The following CATSPERG variants were observed in gnomAD, a reference collection of about 807,000 sequenced individuals.
CATSPERG encodes cation channel sperm-associated auxiliary subunit gamma.
Under a neutral mutation model 145.0 loss-of-function variants are expected in CATSPERG, and 115 were observed. The ratio of observed to expected loss-of-function variants is 0.79; its 90% CI spans 0.68 to 0.93. CATSPERG has a LOEUF of 0.93. CATSPERG is among the 40% of genes least tolerant of loss of function. The probability of loss-of-function intolerance (pLI) is 0.00; values close to 1 mark genes in which losing one functional copy is unlikely to be tolerated. For missense variants in CATSPERG, 1,296 were observed against 1,490.1 expected (o/e 0.87, Z 2.14); for synonymous variants, 588 against 589.0 (o/e 1.00, Z 0.02).
At chr19:38,366,539 G>A (rs1405712998) in intron 22 of CATSPERG, 1 of 152,656 alleles carries the variant, frequency 6.6e-6, no homozygotes. Context: ...CTAAGCAGAG[G>A]AGGGACTCGG....
chr19:38,345,539 T>C (rs1460465891), intron 6 of CATSPERG, among the ~76,000 whole-genome samples: 2 of 142,148 alleles, frequency 1.4e-5, no homozygotes, highest in Non-Finnish European at 3.1e-5. Flanking sequence ...AGTTTCGCTC[T>C]TGTTGCCCAG....
At chr19:38,351,951 G>A (rs561060854) in intron 7 of CATSPERG, among the ~76,000 whole-genome samples, 1 of 152,240 alleles carries the variant, frequency 6.6e-6, no homozygotes, top group East Asian at 1.9e-4. Flanking sequence ...TTGTATCCAT[G>A]TAGGTATAAC....
At chr19:38,360,687 G>T in intron 15 of CATSPERG, 40 bp downstream of exon 15, 2 of 1,614,046 alleles carry the variant, frequency 1.2e-6, no homozygotes, top group Admixed American at 3.3e-5. Context: ...GGGCACCCCA[G>T]GAGGGCTGAC....
chr19:38,364,177 C>T (rs145033722), intron 20 of CATSPERG, among the ~76,000 whole-genome samples: 4,783 of 152,088 alleles, frequency 0.031, 158 homozygotes, highest in East Asian at 0.13. Context: ...GGGTGGCTGC[C>T]GGGCGGAGAC....
chr19:38,352,595 CT>C (rs576701757), intron 8 of CATSPERG, 163 bp downstream of exon 8: 29,318 of 305,314 alleles, frequency 0.096, 11 homozygotes, highest in Middle Eastern at 0.12. Context: ...TTGCCTTGCC[CT>C]TTTTTTTTTT....
intron 1 of CATSPERG, chr19:38,336,519 A>T: frequency 3.6e-6 from 1 of 278,210 alleles, no homozygotes; most frequent in Non-Finnish European, 7.1e-6. Flanking sequence ...GAGCAAGAGC[A>T]GGGGCGGGGC....
At position 38,345,535 on chromosome 19, in the gene CATSPERG, G is replaced by A. The variant is rs112822323; in HGVS notation, c.670-915G>A. Reference sequence around the variant, plus strand: ...TTTTTTTTTTTTGAGACAGAGTTTCGCTCTTGTTGCCCAGGCTGGAGTGCA... The same window carrying A: ...TTTTTTTTTTTTGAGACAGAGTTTCACTCTTGTTGCCCAGGCTGGAGTGCA... On this transcript the variant is annotated intron_variant, in intron 6 of 28. Coordinates refer to ENST00000409235, the MANE Select transcript of CATSPERG (RefSeq NM_021185.5). Among the ~76,000 whole-genome samples, 146 of 143,496 alleles carry A rather than the reference G, an allele frequency of 1.0e-3. 1 individual carries two copies. Among genetic ancestry groups the A allele is most frequent in the African/African-American group, 3.1e-3 (120 of 38,532 alleles). The allele number at this position is 143,496 out of a possible 152,430, so 94.1% of individuals were successfully genotyped here. A position where few individuals can be genotyped will look rare whatever the true frequency, so the allele number is the denominator to read the frequency against.
intron 1 of CATSPERG, chr19:38,336,516 A>G: frequency 7.9e-6 from 2 of 252,234 alleles, no homozygotes; most frequent in Non-Finnish European, 1.6e-5. Flanking sequence ...CGGGAGCAAG[A>G]GCAGGGGCGG....
rs3745955 is a variant in CATSPERG at position 38,367,422 on chromosome 19, G to A, written c.2771-87G>A. On this transcript the variant is annotated intron_variant, in intron 23 of 28. Coordinates refer to ENST00000409235, the MANE Select transcript of CATSPERG (RefSeq NM_021185.5). ...GCAGACTACCCACCCTTTTTCCTGCGGCATCTCACTTTCCCCCGTCTCGGT... is the reference window on the plus strand; with the variant it reads ...GCAGACTACCCACCCTTTTTCCTGCAGCATCTCACTTTCCCCCGTCTCGGT... The A allele has an allele frequency of 0.059, 91,928 of 1,553,840 alleles. 3,347 individuals carry two copies. Among genetic ancestry groups the A allele is most frequent in the East Asian group, 0.15 (6,531 of 44,422 alleles).
intron 7 of CATSPERG, among the ~76,000 whole-genome samples, chr19:38,348,620 T>A (rs549441895): frequency 6.6e-6 from 1 of 152,018 alleles, no homozygotes; most frequent in African/African-American, 2.4e-5. Context: ...ATTACAGGCA[T>A]GCACCACCAC....
At chr19:38,359,806 C>T in intron 14 of CATSPERG, 2 of 1,287,720 alleles carry the variant, frequency 1.6e-6, no homozygotes. Flanking sequence ...TCAGAGGCGG[C>T]CCTCTTTCAT....
In CATSPERG at chr19:38,370,912, C is replaced by T. The variant is rs150182230; in HGVS notation, c.*120C>T. On this transcript the variant is annotated 3_prime_UTR_variant, in exon 29 of 29. Transcript: ENST00000409235. ...TCTGTTTTGCTTGATGTTTACTTCT[C>T]GTTCAGACTCAAATAAAGCCTTTTT... The T allele has an allele frequency of 3.3e-4, 373 of 1,115,426 alleles. 5 individuals are homozygous for T. The East Asian group carries it at 7.5e-3, about 22-fold the overall frequency. 69.1% of individuals were successfully genotyped at this position (1,115,426 alleles called of 1,614,324 possible). A position where few individuals can be genotyped will look rare whatever the true frequency, so the allele number is the denominator to read the frequency against.
intron 6 of CATSPERG, among the ~76,000 whole-genome samples, chr19:38,345,238 C>T (rs1465886273): frequency 2.0e-5 from 3 of 151,760 alleles, no homozygotes; most frequent in Non-Finnish European, 4.4e-5. Flanking sequence ...GGATTACAGG[C>T]ACCCATCACC....
chr19:38,350,770 C>T (rs1365403418), intron 7 of CATSPERG, among the ~76,000 whole-genome samples: 1 of 152,188 alleles, frequency 6.6e-6, no homozygotes, highest in East Asian at 1.9e-4. Context: ...GAGCAGATCA[C>T]TTGAGCCTAC....
chr19:38,359,921 C>T, intron 14 of CATSPERG: 1 of 1,031,906 alleles, frequency 9.7e-7, no homozygotes, highest in Non-Finnish European at 1.2e-6. Context: ...GAAAATATTA[C>T]CTATGGAAGC....
intron 6 of CATSPERG, among the ~76,000 whole-genome samples, chr19:38,345,203 C>A (rs973313605): frequency 1.3e-5 from 2 of 151,774 alleles, no homozygotes; most frequent in African/African-American, 4.8e-5. Context: ...AAGCAATTCT[C>A]CTGCCTCAGC....
At chr19:38,370,498 C>T (rs758959431) in intron 28 of CATSPERG, 28 bp from the exon 29 acceptor site, 5 of 1,613,772 alleles carry the variant, frequency 3.1e-6, no homozygotes, top group Non-Finnish European at 4.2e-6. Context: ...CATGTGCCAA[C>T]TCCTTACTCA....
At chr19:38,362,050 G>A in intron 17 of CATSPERG, 160 bp from the exon 18 acceptor site, 2 of 977,206 alleles carry the variant, frequency 2.0e-6, no homozygotes, top group Non-Finnish European at 3.0e-6. Context: ...TGGGGGTGTG[G>A]CCGGGTTGAA....
At position 38,365,056 on chromosome 19, in the gene CATSPERG, C is replaced by T; in HGVS notation, c.2557-5C>T. 1 of 1,614,068 alleles carries T rather than the reference C, an allele frequency of 6.2e-7. No homozygotes were observed. The highest frequency in any genetic ancestry group is 8.5e-7 in the Non-Finnish European group (1 of 1,180,016). On this transcript the variant is annotated splice_region_variant and splice_polypyrimidine_tract_variant and intron_variant, in intron 21 of 28. Coordinates refer to ENST00000409235, the MANE Select transcript of CATSPERG (RefSeq NM_021185.5). ...ATCACCATCTTCACCTGCTCCTACC[C>T]ACAGGTGGTGGGTTCATCCGGGCTC...
Sources: gnomAD v4.1 joint callset for allele counts (sites outside exome capture counted in the v4.1 genomes callset) on GRCh38, gnomAD v4.1.1 for gene constraint, MANE v1.5 for transcripts, NCBI Gene and HGNC (gene_info 2026-07-23, HGNC 2026-07-21) for gene names.